ZZZ3: variants seen among roughly 807,000 people sequenced by gnomAD.
ZZZ3 encodes the protein zinc finger ZZ-type containing 3, also known as ZZ-type zinc finger-containing protein 3.
A neutral mutation model predicts 95.2 loss-of-function variants in ZZZ3; 22 were observed. The observed-to-expected ratio is 0.23, with a 90% CI of 0.17 to 0.33. The LOEUF is 0.33. ZZZ3 is among the 10% of genes least tolerant of loss of function. The probability of loss-of-function intolerance (pLI) is 1.00; values close to 1 mark genes in which losing one functional copy is unlikely to be tolerated. For missense variants in ZZZ3, 885 were observed against 1,066.5 expected, an observed-to-expected ratio of 0.83 and a Z score of 2.37; for synonymous variants, 335 against 358.9, an observed-to-expected ratio of 0.93 and a Z score of 0.75.
At chr1:77,597,350 A>G (rs1020931222) in intron 5 of ZZZ3, among the ~76,000 whole-genome samples, 2 of 152,152 alleles carry the variant, frequency 1.3e-5, no homozygotes, top group East Asian at 1.9e-4. Flanking sequence ...GTCTCCCTTG[A>G]AGAATTCCAA....
At chr1:77,579,500 G>A (rs1470093676) in intron 10 of ZZZ3, 27 bp downstream of exon 10, 1 of 1,507,342 alleles carries the variant, frequency 6.6e-7, no homozygotes, top group Non-Finnish European at 9.2e-7. Flanking sequence ...AAGCATACCA[G>A]CAATCTGCAG....
At chr1:77,591,630 C>T (rs1229935432) in intron 5 of ZZZ3, among the ~76,000 whole-genome samples, 1 of 152,196 alleles carries the variant, frequency 6.6e-6, no homozygotes, top group East Asian at 1.9e-4. Flanking sequence ...AAGGCATAAG[C>T]CAGGCCCACT....
intron 11 of ZZZ3, among the ~76,000 whole-genome samples, chr1:77,578,052 C>T (rs1346276549): frequency 6.6e-6 from 1 of 152,038 alleles, no homozygotes; most frequent in Non-Finnish European, 1.5e-5. Flanking sequence ...CCAGACTTAG[C>T]AGCTAAGCAA....
intron 1 of ZZZ3, among the ~76,000 whole-genome samples, chr1:77,680,205 T>C (rs1672627125): frequency 6.6e-6 from 1 of 152,216 alleles, no homozygotes; most frequent in Non-Finnish European, 1.5e-5. Flanking sequence ...GCTGCTGACT[T>C]TTATGACAGG....
intron 6 of ZZZ3, among the ~76,000 whole-genome samples, chr1:77,583,258 G>A (rs140521822): frequency 1.2e-3 from 181 of 152,030 alleles, no homozygotes; most frequent in African/African-American, 4.3e-3. Context: ...ATGAAATTAA[G>A]GTTAACAAAT....
At chr1:77,595,218 C>T (rs1664107501) in intron 5 of ZZZ3, among the ~76,000 whole-genome samples, 1 of 151,898 alleles carries the variant, frequency 6.6e-6, no homozygotes, top group Admixed American at 6.6e-5. Flanking sequence ...AATAAGAAAG[C>T]TTATAAAATT....
At chr1:77,644,091 G>A (rs931766669) in intron 1 of ZZZ3, among the ~76,000 whole-genome samples, 3 of 150,344 alleles carry the variant, frequency 2.0e-5, no homozygotes, top group African/African-American at 7.3e-5. Context: ...TTGAGACGGC[G>A]TTTTGCTCTT....
At chr1:77,652,589 T>G (rs1669906252) in intron 1 of ZZZ3, among the ~76,000 whole-genome samples, 2 of 152,202 alleles carry the variant, frequency 1.3e-5, no homozygotes, top group Non-Finnish European at 2.9e-5. Flanking sequence ...AATTCCATTC[T>G]TAGGTATACA....
chr1:77,577,897 G>C (rs939213004), intron 11 of ZZZ3, among the ~76,000 whole-genome samples: 1 of 152,152 alleles, frequency 6.6e-6, no homozygotes, highest in Non-Finnish European at 1.5e-5. Flanking sequence ...GGGATTACAG[G>C]CGTGAGCCAC....
In ZZZ3 at chr1:77,632,683, A is replaced by G. The variant is rs1223198022; in HGVS notation, c.672T>C (p.Thr224=). 5 of 1,614,058 alleles carry G rather than the reference A, an allele frequency of 3.1e-6. No individual in the cohort carries two copies. The East Asian group carries it at 6.7e-5, about 22-fold the overall frequency. The change falls in exon 5 of 15, where the codon ACT becomes ACC. Residue 224 remains threonine, a synonymous_variant. Coordinates refer to ENST00000370801, the MANE Select transcript of ZZZ3 (RefSeq NM_015534.6). The part of the protein sequence containing the change: ...NCDDCQPDGN[T]KQNSIGSYVL... ...CATAGGAACCAATGCTATTTTGTTT[A>G]GTGTTCCCATCAGGCTGACAGTCAT...
chr1:77,597,467 G>A (rs921717984), intron 5 of ZZZ3, among the ~76,000 whole-genome samples: 4 of 152,132 alleles, frequency 2.6e-5, no homozygotes, highest in Middle Eastern at 3.4e-3. Context: ...AGTATGAAAA[G>A]GGGAGGAAAA....
intron 11 of ZZZ3, among the ~76,000 whole-genome samples, chr1:77,576,862 T>C (rs745882741): frequency 3.9e-5 from 6 of 152,216 alleles, no homozygotes; most frequent in Non-Finnish European, 7.3e-5. Flanking sequence ...GGGCCACATG[T>C]GGTACGTGGG....
At chr1:77,595,665 A>C (rs1159189989) in intron 5 of ZZZ3, among the ~76,000 whole-genome samples, 1 of 152,036 alleles carries the variant, frequency 6.6e-6, no homozygotes, top group East Asian at 1.9e-4. Flanking sequence ...AGTAAATGTA[A>C]GTTTTAAACA....
chr1:77,608,916 G>T (rs533450346), intron 5 of ZZZ3, among the ~76,000 whole-genome samples: 1 of 151,992 alleles, frequency 6.6e-6, no homozygotes, highest in Admixed American at 6.6e-5. Flanking sequence ...AAATAAAATG[G>T]TAGAAATTAA....
intron 13 of ZZZ3, among the ~76,000 whole-genome samples, chr1:77,567,709 A>G (rs946109929): frequency 6.6e-6 from 1 of 152,208 alleles, no homozygotes; most frequent in African/African-American, 2.4e-5. Context: ...CTGAATCTCT[A>G]GCACTTAGCA....
At chr1:77,622,228 G>A (rs1363510905) in intron 5 of ZZZ3, among the ~76,000 whole-genome samples, 2 of 151,690 alleles carry the variant, frequency 1.3e-5, no homozygotes, top group East Asian at 1.9e-4. Context: ...GATTGCTTGA[G>A]CCGGAGGGGC....
chr1:77,671,447 A>T lies in ZZZ3; in HGVS notation c.-403+11138T>A, dbSNP rs368121224. ...CTATGGCACTGAAACAAGGAAGGAC[A>T]TACATGCACACAAACAGTACTGAAG... On this transcript the variant is annotated intron_variant, in intron 1 of 14. Transcript: ENST00000370801. Among the ~76,000 whole-genome samples, 3 of 152,342 alleles carry T rather than the reference A, an allele frequency of 2.0e-5. No individual in the cohort carries two copies. The East Asian group carries it at 5.8e-4, about 29-fold the overall frequency.
At chr1:77,658,526 T>TTTTTC (rs1553181024) in intron 1 of ZZZ3, among the ~76,000 whole-genome samples, 36 of 148,412 alleles carry the variant, frequency 2.4e-4, no homozygotes, top group African/African-American at 8.1e-4. Context: ...TTTTTTTTTT[T>TTTTTC]TTCTTCTTCT....
intron 5 of ZZZ3, among the ~76,000 whole-genome samples, chr1:77,597,032 T>A (rs1664278965): frequency 6.6e-6 from 1 of 152,078 alleles, no homozygotes; most frequent in African/African-American, 2.4e-5. Flanking sequence ...CATTCTCCAA[T>A]AGGAACTAGG....
Sources: gnomAD v4.1 joint callset for allele counts (sites outside exome capture counted in the v4.1 genomes callset) on GRCh38, gnomAD v4.1.1 for gene constraint, MANE v1.5 for transcripts, NCBI Gene and HGNC (gene_info 2026-07-23, HGNC 2026-07-21) for gene names.